ERBB4: variants seen among roughly 807,000 people sequenced by gnomAD.
The protein encoded by ERBB4 is receptor tyrosine-protein kinase erbB-4.
ERBB4 carries 42 observed loss-of-function variants against 158.0 expected under a neutral mutation model. The observed-to-expected ratio is 0.27, with a 90% CI of 0.21 to 0.34. ERBB4 has a LOEUF of 0.34. Ranked by LOEUF, ERBB4 falls within the 10% of genes least tolerant of loss-of-function variation. ERBB4 has a pLI of 1.00. For missense variants in ERBB4, 1,333 were observed against 1,624.1 expected, an observed-to-expected ratio of 0.82 and a Z score of 3.08; for synonymous variants, 583 against 558.7, an observed-to-expected ratio of 1.04 and a Z score of -0.61.
intron 20 of ERBB4, among the ~76,000 whole-genome samples, chr2:211,507,594 A>T (rs1574632238): frequency 6.6e-6 from 1 of 152,158 alleles, no homozygotes; most frequent in Non-Finnish European, 1.5e-5. Context: ...ATAATCCCAC[A>T]TACCTACAGC....
At chr2:212,165,790 A>G (rs1417889820) in intron 1 of ERBB4, among the ~76,000 whole-genome samples, 2 of 152,036 alleles carry the variant, frequency 1.3e-5, no homozygotes, top group Non-Finnish European at 2.9e-5. Flanking sequence ...AAACATAAAC[A>G]ATTTTTGGGT....
chr2:211,456,029 T>C (rs2064372553), intron 20 of ERBB4, among the ~76,000 whole-genome samples: 1 of 152,208 alleles, frequency 6.6e-6, no homozygotes, highest in Admixed American at 6.5e-5. Context: ...GACATACATA[T>C]ACAGGGTTTT....
At chr2:211,973,866 T>A (rs565186835) in intron 2 of ERBB4, among the ~76,000 whole-genome samples, 5 of 151,944 alleles carry the variant, frequency 3.3e-5, no homozygotes, top group Non-Finnish European at 7.4e-5. Flanking sequence ...ATAAAAAAAA[T>A]GTGGGACATG....
intron 3 of ERBB4, among the ~76,000 whole-genome samples, chr2:211,905,964 C>T (rs1039868480): frequency 6.6e-6 from 1 of 151,354 alleles, no homozygotes; most frequent in Non-Finnish European, 1.5e-5. Context: ...GACAGTATGG[C>T]TGGAATGCAG....
At chr2:212,516,115 A>C (rs1301492032) in intron 1 of ERBB4, among the ~76,000 whole-genome samples, 1 of 151,986 alleles carries the variant, frequency 6.6e-6, no homozygotes, top group Admixed American at 6.6e-5. Flanking sequence ...TCATTTTGTA[A>C]GTAGTACTAT....
At chr2:211,785,659 C>G (rs569921316) in intron 4 of ERBB4, among the ~76,000 whole-genome samples, 1 of 152,064 alleles carries the variant, frequency 6.6e-6, no homozygotes, top group Non-Finnish European at 1.5e-5. Flanking sequence ...TTCCCAACAC[C>G]ATTTGTTGAA....
intron 3 of ERBB4, among the ~76,000 whole-genome samples, chr2:211,934,273 T>C (rs1164028258): frequency 1.3e-5 from 2 of 151,996 alleles, no homozygotes; most frequent in Non-Finnish European, 2.9e-5. Flanking sequence ...ATTTAAAATA[T>C]ATAGATCAAC....
At chr2:211,810,662 C>CTTTTTT (rs59305629) in intron 3 of ERBB4, among the ~76,000 whole-genome samples, 24 of 101,520 alleles carry the variant, frequency 2.4e-4, no homozygotes, top group Non-Finnish European at 2.7e-4. Context: ...CAGTCTCTGT[C>CTTTTTT]TTTTTTTTTT....
chr2:212,437,492 CAAAA>C, intron 1 of ERBB4, among the ~76,000 whole-genome samples: 1 of 127,582 alleles, frequency 7.8e-6, no homozygotes, highest in Non-Finnish European at 1.7e-5. Context: ...TGTTCTGATA[CAAAA>C]AAAAAAAAAA....
intron 1 of ERBB4, among the ~76,000 whole-genome samples, chr2:212,247,580 C>T (rs979746242): frequency 1.3e-5 from 2 of 152,106 alleles, no homozygotes; most frequent in Non-Finnish European, 2.9e-5. Flanking sequence ...CTTCAACATA[C>T]ATTCAAAAAT....
At chr2:211,429,850 C>T (rs577935421) in intron 21 of ERBB4, among the ~76,000 whole-genome samples, 3 of 152,244 alleles carry the variant, frequency 2.0e-5, no homozygotes, top group Admixed American at 1.3e-4. Context: ...TTAATAGTTA[C>T]CAAGCATTTA....
At chr2:211,770,893 A>G (rs1481470344) in intron 4 of ERBB4, among the ~76,000 whole-genome samples, 1 of 152,188 alleles carries the variant, frequency 6.6e-6, no homozygotes, top group Non-Finnish European at 1.5e-5. Flanking sequence ...AATTAATGAC[A>G]TAGAAGTTTC....
At chr2:211,412,739 A>C (rs2125381850) in intron 25 of ERBB4, among the ~76,000 whole-genome samples, 1 of 152,078 alleles carries the variant, frequency 6.6e-6, no homozygotes, top group East Asian at 1.9e-4. Flanking sequence ...GTGGATGACG[A>C]GGTCAGGAGA....
At chr2:211,425,932 C>T (rs1559155681) in intron 22 of ERBB4, among the ~76,000 whole-genome samples, 1 of 152,080 alleles carries the variant, frequency 6.6e-6, no homozygotes, top group Non-Finnish European at 1.5e-5. Flanking sequence ...CATCTGCCCA[C>T]ATCGGCCTCC....
intron 16 of ERBB4, among the ~76,000 whole-genome samples, chr2:211,656,542 A>G (rs2071224509): frequency 6.6e-6 from 1 of 152,214 alleles, no homozygotes; most frequent in African/African-American, 2.4e-5. Flanking sequence ...ATAATTTTTG[A>G]TAAGCACATG....
In ERBB4 at chr2:211,732,843, G is replaced by A. The variant is rs148780676; in HGVS notation, c.623-7649C>T. On this transcript the variant is annotated intron_variant, in intron 5 of 27. Coordinates refer to ENST00000342788, the MANE Select transcript of ERBB4 (RefSeq NM_005235.3). ...AGTACAAAAATTAGCCAGGCATGGTGGCGCGCACCTGTAATCCCAGCTACT... is the reference window on the plus strand; with the variant it reads ...AGTACAAAAATTAGCCAGGCATGGTAGCGCGCACCTGTAATCCCAGCTACT... Among the ~76,000 whole-genome samples, 785 of 152,260 alleles carry A rather than the reference G, an allele frequency of 5.2e-3. 5 individuals carry two copies. The highest frequency in any genetic ancestry group is 0.018 in the African/African-American group (762 of 41,566).
At chr2:212,314,731 A>G (rs888042329) in intron 1 of ERBB4, among the ~76,000 whole-genome samples, 4 of 151,170 alleles carry the variant, frequency 2.6e-5, no homozygotes, top group Non-Finnish European at 5.9e-5. Context: ...GAAAAGTATT[A>G]GTCAACTGCT....
intron 4 of ERBB4, among the ~76,000 whole-genome samples, chr2:211,785,516 C>T (rs12988214): frequency 0.16 from 24,974 of 151,940 alleles, 2,273 homozygotes; most frequent in African/African-American, 0.21. Context: ...TAAAGCTTTC[C>T]CCCTATATTT....
At chr2:212,475,304 G>C (rs1689330574) in intron 1 of ERBB4, among the ~76,000 whole-genome samples, 1 of 152,082 alleles carries the variant, frequency 6.6e-6, no homozygotes. Flanking sequence ...TTCTTAACAA[G>C]AAGCTCTGCA....
Sources: allele counts gnomAD v4.1 joint callset (sites outside exome capture counted in the v4.1 genomes callset), GRCh38; gene constraint gnomAD v4.1.1; transcripts MANE v1.5; gene names NCBI Gene and HGNC (gene_info 2026-07-23, HGNC 2026-07-21).